Variants in PLEKHA1 observed in about 807,000 individuals in gnomAD.
PLEKHA1 encodes pleckstrin homology domain-containing family A member 1.
Under a neutral mutation model 52.0 loss-of-function variants are expected in PLEKHA1, and 34 were observed. The ratio of observed to expected loss-of-function variants is 0.65; its 90% confidence interval spans 0.50 to 0.87. The LOEUF is 0.87. PLEKHA1 is among the 40% of genes least tolerant of loss of function. The pLI is 0.00. For synonymous variants in PLEKHA1, 163 were observed against 170.7 expected (o/e 0.95, Z 0.35); for missense variants, 497 against 504.2 (o/e 0.99, Z 0.14).
At chr10:122,424,069 A>G in intron 8 of PLEKHA1, 130 bp from the exon 9 acceptor site, 2 of 1,213,142 alleles carry the variant, frequency 1.6e-6, no homozygotes, top group Non-Finnish European at 2.3e-6. Flanking sequence ...AGGTAGATTT[A>G]TTTCTGAGAT....
At chr10:122,407,239 G>A (rs1333698667) in intron 5 of PLEKHA1, among the ~76,000 whole-genome samples, 1 of 152,082 alleles carries the variant, frequency 6.6e-6, no homozygotes, top group Non-Finnish European at 1.5e-5. Flanking sequence ...TCCCATGTCT[G>A]ATTTTTTTCC....
At position 122,409,500 on chromosome 10, in the gene PLEKHA1, T is replaced by A. The variant is rs576783312; in HGVS notation, c.342+2827T>A. On this transcript the variant is annotated intron_variant, in intron 5 of 11. Coordinates refer to ENST00000368990, the MANE Select transcript of PLEKHA1 (RefSeq NM_001001974.4). ...TGGTGGTTTCTGTTCCCTTATTGATTATTAAGGAATGTCTAAGATATATAT... is the reference window on the plus strand; with the variant it reads ...TGGTGGTTTCTGTTCCCTTATTGATAATTAAGGAATGTCTAAGATATATAT... Among the ~76,000 whole-genome samples the A allele has an allele frequency of 1.2e-4, 18 of 152,372 alleles. No individual in the cohort carries two copies. The South Asian group carries it at 3.7e-3, about 32-fold the overall frequency.
intron 8 of PLEKHA1, chr10:122,420,054 A>T (rs2097237246): frequency 6.6e-6 from 1 of 152,236 alleles, no homozygotes; most frequent in Non-Finnish European, 1.5e-5. Context: ...CGGCATCAGC[A>T]TGTGCAGAAA....
intron 2 of PLEKHA1, among the ~76,000 whole-genome samples, chr10:122,394,388 T>C (rs945753744): frequency 2.0e-5 from 3 of 152,122 alleles, no homozygotes; most frequent in Non-Finnish European, 4.4e-5. Flanking sequence ...TTGGAACTTT[T>C]TATCTTCAAA....
At chr10:122,419,354 A>G (rs566842453) in intron 8 of PLEKHA1, 14 of 152,344 alleles carry the variant, frequency 9.2e-5, no homozygotes, top group African/African-American at 3.4e-4. Context: ...GGCATAGCAT[A>G]GCAAGAAATG....
chr10:122,407,643 T>G (rs1206219902), intron 5 of PLEKHA1, among the ~76,000 whole-genome samples: 1 of 152,194 alleles, frequency 6.6e-6, no homozygotes, highest in Non-Finnish European at 1.5e-5. Context: ...CTATTTTGAT[T>G]ATACCTTGCC....
At chr10:122,406,705 G>T in intron 5 of PLEKHA1, 32 bp downstream of exon 5, 2 of 1,442,606 alleles carry the variant, frequency 1.4e-6, no homozygotes, top group Non-Finnish European at 1.9e-6. Context: ...AAAAACGTTC[G>T]ATGTCTGGAA....
intron 11 of PLEKHA1, 89 bp from the exon 12 acceptor site, chr10:122,429,510 GTGTGTGTGTGTGTGTGTGTGTTTTA>G: frequency 1.2e-6 from 1 of 831,062 alleles, no homozygotes; most frequent in Non-Finnish European, 1.9e-6. Flanking sequence ...GTGTGTGTGT[GTGTGTGTGTGTGTGTGTGTGTTTTA>G]TTTGTTTTTC....
chr10:122,429,585 G>T (rs1244404424), intron 11 of PLEKHA1, 39 bp from the exon 12 acceptor site: 1 of 1,585,374 alleles, frequency 6.3e-7, no homozygotes. Context: ...ACCTGGTCAT[G>T]AGTGACTGAC....
In PLEKHA1 at chr10:122,430,532, T is replaced by C. The variant is rs1590993937; in HGVS notation, c.*594T>C. The C allele has an allele frequency of 6.6e-6, 1 of 152,578 alleles. No individual in the cohort carries two copies. The highest frequency in any genetic ancestry group is 2.1e-4 in the South Asian group (1 of 4,824). The allele number at this position is 152,578 out of a possible 1,614,324, so 9.5% of individuals were successfully genotyped here. A position where few individuals can be genotyped will look rare whatever the true frequency, so the allele number is the denominator to read the frequency against. ...GATATGGATAGACCAACAGTAAGGG[T>C]TGTGGGTTATACCGGCATAGAGAAA... On this transcript the variant is annotated 3_prime_UTR_variant, in exon 12 of 12. Coordinates refer to ENST00000368990, the MANE Select transcript of PLEKHA1 (RefSeq NM_001001974.4).
At chr10:122,401,646 G>A (rs1405090485) in intron 4 of PLEKHA1, among the ~76,000 whole-genome samples, 1 of 152,178 alleles carries the variant, frequency 6.6e-6, no homozygotes, top group Non-Finnish European at 1.5e-5. Flanking sequence ...AGTAATCGAG[G>A]ACTGGATGGA....
intron 1 of PLEKHA1, among the ~76,000 whole-genome samples, chr10:122,383,342 A>G (rs1156605982): frequency 4.6e-5 from 6 of 130,116 alleles, no homozygotes. Flanking sequence ...TTTTTTTAGA[A>G]TGGGTCTTGC....
At chr10:122,390,610 T>G (rs2096762857) in intron 1 of PLEKHA1, among the ~76,000 whole-genome samples, 1 of 152,158 alleles carries the variant, frequency 6.6e-6, no homozygotes, top group South Asian at 2.1e-4. Context: ...AGATCCTGTC[T>G]TTACAAAAAA....
chr10:122,383,426 T>G (rs184388858), intron 1 of PLEKHA1, among the ~76,000 whole-genome samples: 1 of 151,518 alleles, frequency 6.6e-6, no homozygotes, highest in East Asian at 1.9e-4. Context: ...CTGAAGCGAT[T>G]ATCCCACCTC....
In PLEKHA1 at chr10:122,417,920, A is replaced by G. The variant is rs751366744; in HGVS notation, c.633A>G (p.Arg211=). 113 of 1,611,676 alleles carry G rather than the reference A, an allele frequency of 7.0e-5. 1 individual carries two copies. The South Asian group carries it at 1.2e-3, about 16-fold the overall frequency. Reference sequence around the variant, plus strand: ...GGTAGATGAAAAACTGGAAGAGAAGATATTTTCAATTGGATGAAAACACAA... The same window carrying G: ...GGTAGATGAAAAACTGGAAGAGAAGGTATTTTCAATTGGATGAAAACACAA... ...QGAVMKNWKR[R]YFQLDENTIG... The change falls in exon 8 of 12, where the codon AGA becomes AGG. Residue 211 remains arginine, a synonymous_variant. Transcript: ENST00000368990.
chr10:122,375,204 C>A (rs1460686345), intron 1 of PLEKHA1, among the ~76,000 whole-genome samples: 1 of 152,060 alleles, frequency 6.6e-6, no homozygotes, highest in Admixed American at 6.5e-5. Flanking sequence ...CCCGAGAAAT[C>A]CCGCTCGGGG....
the PLEKHA1 span, chr10:122,439,200 A>G: frequency 6.6e-6 from 1 of 152,210 alleles, no homozygotes; most frequent in African/African-American, 2.4e-5. Context: ...ATATTTAACC[A>G]TCATTACATT....
Position 122,413,033 on chromosome 10 carries a change from T to C in PLEKHA1, c.456T>C (p.Ile152=). ...RTDIVGGVPI[I]TPTQKEEVNE... is the part of the protein sequence containing the mutation. ...ATATTGTTGGTGGCGTACCCATCATTACTCCCACTCAGGTAATTAAGTAAC... is the reference window on the plus strand; with the variant it reads ...ATATTGTTGGTGGCGTACCCATCATCACTCCCACTCAGGTAATTAAGTAAC... Residue 152 remains isoleucine (I), a synonymous_variant, in exon 6 of 12, where the codon ATT becomes ATC. Transcript: ENST00000368990. 1 of 1,612,584 alleles carries C rather than the reference T, an allele frequency of 6.2e-7. No individual in the cohort carries two copies. The highest frequency in any genetic ancestry group is 8.5e-7 in the Non-Finnish European group (1 of 1,179,014).
intron 1 of PLEKHA1, chr10:122,387,062 C>T (rs1057389925): frequency 6.6e-6 from 1 of 152,122 alleles, no homozygotes; most frequent in Non-Finnish European, 1.5e-5. Flanking sequence ...GATTTGCTTT[C>T]TCTCTTTCAC....
Sources: allele counts gnomAD v4.1 joint callset (sites outside exome capture counted in the v4.1 genomes callset), GRCh38; gene constraint gnomAD v4.1.1; transcripts MANE v1.5; gene names NCBI Gene and HGNC (gene_info 2026-07-23, HGNC 2026-07-21).